The following MACROD2 variants were observed in gnomAD, a reference collection of about 807,000 sequenced individuals.
MACROD2 encodes ADP-ribose glycohydrolase MACROD2.
A neutral mutation model predicts 70.4 loss-of-function variants in MACROD2; 36 were observed. That is an observed-to-expected ratio of 0.51 (90% CI 0.39 to 0.68). The LOEUF is 0.68. Among genes scored for constraint, MACROD2 ranks in the 30% least tolerant of loss-of-function variants. The probability of loss-of-function intolerance (pLI) is 0.00; values close to 1 mark genes in which losing one functional copy is unlikely to be tolerated. For synonymous variants in MACROD2, 172 were observed against 178.8 expected (o/e 0.96, Z 0.30); for missense variants, 496 against 538.4 (o/e 0.92, Z 0.78).
At chr20:14,337,715 G>A (rs968118710) in intron 3 of MACROD2, 1 of 392,938 alleles carries the variant, frequency 2.5e-6, no homozygotes. Flanking sequence ...CTTGTTCAGT[G>A]AGGTAACTGG....
intron 8 of MACROD2, among the ~76,000 whole-genome samples, chr20:15,775,186 C>T (rs1204020362): frequency 2.0e-5 from 3 of 152,092 alleles, no homozygotes; most frequent in African/African-American, 7.2e-5. Context: ...ATAGAAGAAA[C>T]ATGCACAGAT....
chr20:15,437,170 G>C (rs1264840846), intron 7 of MACROD2, among the ~76,000 whole-genome samples: 1 of 152,080 alleles, frequency 6.6e-6, no homozygotes. Context: ...TTTAATTTAT[G>C]GCAGTTCTTA....
intron 7 of MACROD2, among the ~76,000 whole-genome samples, chr20:15,434,654 C>A (rs2046405924): frequency 6.6e-6 from 1 of 152,044 alleles, no homozygotes; most frequent in African/African-American, 2.4e-5. Flanking sequence ...TTCCATCCAG[C>A]AATCCACTAC....
At chr20:14,255,668 TA>T (rs1396464097) in intron 3 of MACROD2, among the ~76,000 whole-genome samples, 3 of 147,806 alleles carry the variant, frequency 2.0e-5, no homozygotes, top group Non-Finnish European at 4.4e-5. Context: ...ACATGTACCC[TA>T]ATACTTAAAA....
intron 5 of MACROD2, among the ~76,000 whole-genome samples, chr20:14,948,725 G>T (rs1439995654): frequency 6.6e-6 from 1 of 152,176 alleles, no homozygotes; most frequent in Non-Finnish European, 1.5e-5. Context: ...GTAGGTGGCA[G>T]ACAGAAGACA....
At chr20:14,942,379 C>T (rs927681355) in intron 5 of MACROD2, among the ~76,000 whole-genome samples, 5 of 126,212 alleles carry the variant, frequency 4.0e-5, no homozygotes, top group Admixed American at 2.2e-4. Flanking sequence ...TCCTTATCCT[C>T]CTTTTTTTTT....
rs1806273477 is a variant in MACROD2, at chr20:14,306,212, TCTC to T, written c.272-187264_272-187262del. 3.9e-5 allele frequency among the ~76,000 whole-genome samples: 6 copies of T among 152,286 alleles called. No homozygotes were observed. In the South Asian group the frequency reaches 1.2e-3, roughly 32 times the overall value. ...TATTAAGTTGGGAATGTTGTTAACT[TCTC>T]CTTTTGAAAATTCTCTTCTTTCTTG... On this transcript the variant is annotated intron_variant, in intron 3 of 17. Transcript: ENST00000684519.
intron 5 of MACROD2, among the ~76,000 whole-genome samples, chr20:14,918,444 T>G (rs1039126328): frequency 1.3e-5 from 2 of 152,126 alleles, no homozygotes; most frequent in African/African-American, 4.8e-5. Context: ...GGATTGGCCT[T>G]GGCTAGAAGG....
At chr20:14,575,041 A>AAAAAT (rs1175447813) in intron 4 of MACROD2, among the ~76,000 whole-genome samples, 30 of 23,858 alleles carry the variant, frequency 1.3e-3, no homozygotes, top group African/African-American at 2.2e-3. Flanking sequence ...AAAAAAAAAA[A>AAAAAT]ATATTCACAA....
intron 5 of MACROD2, among the ~76,000 whole-genome samples, chr20:14,932,812 C>T (rs900598370): frequency 1.3e-5 from 2 of 151,998 alleles, no homozygotes; most frequent in Non-Finnish European, 2.9e-5. Flanking sequence ...CTGATCTGCC[C>T]GCCTCGGCCT....
intron 3 of MACROD2, among the ~76,000 whole-genome samples, chr20:14,406,408 G>A (rs1053395935): frequency 1.3e-5 from 2 of 152,110 alleles, no homozygotes; most frequent in Admixed American, 6.6e-5. Context: ...AGTCAAGATG[G>A]AGAGTTGGGT....
chr20:15,894,050 G>C (rs753150243), intron 10 of MACROD2: 2 of 410,964 alleles, frequency 4.9e-6, no homozygotes, highest in Non-Finnish European at 9.7e-6. Flanking sequence ...GCAAGAAAGT[G>C]GCCGGCCTCA....
intron 5 of MACROD2, among the ~76,000 whole-genome samples, chr20:14,999,876 G>T (rs1038591540): frequency 1.3e-5 from 2 of 152,288 alleles, no homozygotes; most frequent in Admixed American, 1.3e-4. Context: ...TGCAATATGG[G>T]TAGGTTTCAA....
chr20:15,852,313 A>T (rs949784041), intron 8 of MACROD2, among the ~76,000 whole-genome samples: 1 of 152,226 alleles, frequency 6.6e-6, no homozygotes, highest in Non-Finnish European at 1.5e-5. Context: ...AAACAGGAAG[A>T]TTCTGAATTC....
At chr20:15,915,312 T>A (rs2147276389) in intron 10 of MACROD2, among the ~76,000 whole-genome samples, 1 of 152,226 alleles carries the variant, frequency 6.6e-6, no homozygotes, top group South Asian at 2.1e-4. Flanking sequence ...AGAACCACCT[T>A]ATTATTAGGC....
intron 8 of MACROD2, among the ~76,000 whole-genome samples, chr20:15,644,737 T>A (rs1335229485): frequency 6.6e-6 from 1 of 152,216 alleles, no homozygotes; most frequent in African/African-American, 2.4e-5. Context: ...TTGCCTAGGC[T>A]GGAGTACAAT....
intron 5 of MACROD2, among the ~76,000 whole-genome samples, chr20:15,106,035 T>C (rs1369035919): frequency 6.6e-6 from 1 of 152,178 alleles, no homozygotes; most frequent in Non-Finnish European, 1.5e-5. Flanking sequence ...TAATTTAATC[T>C]TTTCATATTG....
At position 14,634,327 on chromosome 20, in the gene MACROD2, A is replaced by G. The variant is rs1484331303; in HGVS notation, c.302-50516A>G. Among the ~76,000 whole-genome samples the G allele has an allele frequency of 3.9e-5, 6 of 152,226 alleles. No homozygotes were observed. The East Asian group carries it at 1.2e-3, about 29-fold the overall frequency. On this transcript the variant is annotated intron_variant, in intron 4 of 17. Coordinates refer to ENST00000684519, the MANE Select transcript of MACROD2 (RefSeq NM_001351661.2). ...AAGATGATGCCTTGTCCATTGTTAA[A>G]TTTCTTCAGTGTTTTGCACAGAGTA...
intron 8 of MACROD2, among the ~76,000 whole-genome samples, chr20:15,825,104 T>C (rs1414671127): frequency 6.6e-6 from 1 of 152,158 alleles, no homozygotes; most frequent in Non-Finnish European, 1.5e-5. Context: ...CAAAGCACAA[T>C]GAGAAAAACA....
Sources: gnomAD v4.1 joint callset for allele counts (sites outside exome capture counted in the v4.1 genomes callset) on GRCh38, gnomAD v4.1.1 for gene constraint, MANE v1.5 for transcripts, NCBI Gene and HGNC (gene_info 2026-07-23, HGNC 2026-07-21) for gene names.